ASIC2: variants seen among roughly 807,000 people sequenced by gnomAD.
ASIC2 encodes acid-sensing ion channel 2.
In ASIC2, 25 loss-of-function variants were observed where a neutral mutation model predicts 57.3. The ratio of observed to expected loss-of-function variants is 0.44; its 90% confidence interval spans 0.32 to 0.61. The LOEUF is 0.61. ASIC2 is among the 20% of genes least tolerant of loss of function. ASIC2 has a pLI of 0.06. For missense variants in ASIC2, 641 were observed against 738.1 expected (o/e 0.87, Z 1.52); for synonymous variants, 319 against 307.5 (o/e 1.04, Z -0.39).
At chr17:34,102,490 C>T (rs1910902488) in intron 1 of ASIC2, among the ~76,000 whole-genome samples, 1 of 152,118 alleles carries the variant, frequency 6.6e-6, no homozygotes, top group African/African-American at 2.4e-5. Flanking sequence ...ACCTCACACC[C>T]CAGAAAACCA....
chr17:33,398,705 C>A (rs1304415921), intron 1 of ASIC2, among the ~76,000 whole-genome samples: 1 of 152,158 alleles, frequency 6.6e-6, no homozygotes, highest in African/African-American at 2.4e-5. Context: ...ATCATTTTCA[C>A]TTTGGTCTTC....
intron 1 of ASIC2, among the ~76,000 whole-genome samples, chr17:34,081,544 T>C (rs1301388933): frequency 6.6e-6 from 1 of 152,150 alleles, no homozygotes; most frequent in Non-Finnish European, 1.5e-5. Flanking sequence ...CTTGGGTCAT[T>C]GGATAGCGCT....
intron 1 of ASIC2, among the ~76,000 whole-genome samples, chr17:33,740,606 C>G (rs1000932805): frequency 1.3e-5 from 2 of 152,158 alleles, no homozygotes; most frequent in African/African-American, 4.8e-5. Context: ...GGTGCGGACA[C>G]AGCCAAACCA....
chr17:33,694,060 T>A (rs1448020575), intron 1 of ASIC2, among the ~76,000 whole-genome samples: 5 of 152,300 alleles, frequency 3.3e-5, no homozygotes, highest in Admixed American at 1.3e-4. Flanking sequence ...TAAAATCAGG[T>A]GGAGGTGGAG....
At chr17:33,572,214 C>CA (rs1470503848) in intron 1 of ASIC2, 1 of 152,212 alleles carries the variant, frequency 6.6e-6, no homozygotes, top group Non-Finnish European at 1.5e-5. Context: ...TGGAACCACT[C>CA]ACTCCTATTG....
intron 3 of ASIC2, among the ~76,000 whole-genome samples, chr17:33,049,072 A>C (rs963958052): frequency 2.6e-5 from 4 of 152,144 alleles, no homozygotes; most frequent in African/African-American, 9.7e-5. Context: ...CCATGTTGTG[A>C]AAAGAGCGTG....
chr17:33,854,418 T>G (rs913463309), intron 1 of ASIC2, among the ~76,000 whole-genome samples: 10 of 152,356 alleles, frequency 6.6e-5, no homozygotes, highest in African/African-American at 2.4e-4. Flanking sequence ...TGCATGTTTA[T>G]GCACATGGGC....
intron 1 of ASIC2, among the ~76,000 whole-genome samples, chr17:33,763,279 G>T (rs1910839786): frequency 6.6e-6 from 1 of 152,178 alleles, no homozygotes; most frequent in South Asian, 2.1e-4. Context: ...TCTGTAGAAT[G>T]AATGAAGAAT....
intron 1 of ASIC2, among the ~76,000 whole-genome samples, chr17:34,018,339 A>G (rs1355881692): frequency 6.6e-6 from 1 of 152,230 alleles, no homozygotes; most frequent in African/African-American, 2.4e-5. Context: ...TCCTGTAAAA[A>G]TATTACTGCC....
chr17:33,272,281 C>A (rs1282549003), intron 1 of ASIC2, among the ~76,000 whole-genome samples: 2 of 152,152 alleles, frequency 1.3e-5, no homozygotes, highest in Admixed American at 1.3e-4. Context: ...TACCATCTAC[C>A]TTTACCATCC....
At chr17:33,535,703 T>C (rs1915207997) in intron 1 of ASIC2, among the ~76,000 whole-genome samples, 1 of 152,148 alleles carries the variant, frequency 6.6e-6, no homozygotes, top group East Asian at 1.9e-4. Flanking sequence ...GTTGAAATCT[T>C]ACAAACTTAT....
intron 1 of ASIC2, among the ~76,000 whole-genome samples, chr17:33,765,407 G>T (rs1406538586): frequency 6.6e-6 from 1 of 152,144 alleles, no homozygotes; most frequent in Non-Finnish European, 1.5e-5. Context: ...CGCGCCCGGC[G>T]ATGGAGCATA....
At chr17:34,044,376 A>T (rs1908259178) in intron 1 of ASIC2, among the ~76,000 whole-genome samples, 1 of 152,234 alleles carries the variant, frequency 6.6e-6, no homozygotes, top group Admixed American at 6.5e-5. Flanking sequence ...AAGGAAGAAC[A>T]AGAATAATAA....
chr17:34,031,540 G>A (rs1341599079), intron 1 of ASIC2, among the ~76,000 whole-genome samples: 1 of 152,162 alleles, frequency 6.6e-6, no homozygotes, highest in Non-Finnish European at 1.5e-5. Flanking sequence ...GAGAGAAGAA[G>A]GCTTCAGATG....
At chr17:33,536,402 T>C (rs1171888912) in intron 1 of ASIC2, among the ~76,000 whole-genome samples, 2 of 152,224 alleles carry the variant, frequency 1.3e-5, no homozygotes, top group Non-Finnish European at 2.9e-5. Context: ...TGGAAGACAG[T>C]TGATGTCATA....
At chr17:33,520,195 G>A (rs1914698580) in intron 1 of ASIC2, among the ~76,000 whole-genome samples, 1 of 152,168 alleles carries the variant, frequency 6.6e-6, no homozygotes, top group Non-Finnish European at 1.5e-5. Context: ...TAGTCACAGG[G>A]TAATAATCCT....
chr17:33,778,700 C>T (rs1355015012), intron 1 of ASIC2, among the ~76,000 whole-genome samples: 1 of 152,178 alleles, frequency 6.6e-6, no homozygotes, highest in Non-Finnish European at 1.5e-5. Flanking sequence ...GCAAGTGACT[C>T]AACCTCTCTG....
chr17:33,243,946 G>A (rs1460690288), intron 1 of ASIC2, among the ~76,000 whole-genome samples: 1 of 152,136 alleles, frequency 6.6e-6, no homozygotes, highest in African/African-American at 2.4e-5. Flanking sequence ...CAAGTCACTT[G>A]ACCTCTCTGG....
intron 1 of ASIC2, among the ~76,000 whole-genome samples, chr17:33,987,370 C>G (rs901151130): frequency 6.6e-6 from 1 of 152,184 alleles, no homozygotes; most frequent in Non-Finnish European, 1.5e-5. Context: ...TATGAGAACC[C>G]TTTTATGGAT....
Sources: allele counts gnomAD v4.1 joint callset (sites outside exome capture counted in the v4.1 genomes callset), GRCh38; gene constraint gnomAD v4.1.1; transcripts MANE v1.5; gene names NCBI Gene and HGNC (gene_info 2026-07-23, HGNC 2026-07-21).